LRSAM1: variants seen among roughly 807,000 people sequenced by gnomAD.
LRSAM1 encodes the protein E3 ubiquitin-protein ligase LRSAM1.
A neutral mutation model predicts 118.1 loss-of-function variants in LRSAM1; 96 were observed. The observed-to-expected ratio is 0.81, with a 90% CI of 0.69 to 0.96. The LOEUF is 0.96. Ranked by LOEUF, LRSAM1 falls within the 40% of genes least tolerant of loss-of-function variation. LRSAM1 has a pLI of 0.00. For missense variants in LRSAM1, 804 were observed against 915.5 expected, an observed-to-expected ratio of 0.88 and a Z score of 1.57; for synonymous variants, 322 against 364.2, an observed-to-expected ratio of 0.88 and a Z score of 1.32.
At chr9:127,500,003 G>A (rs1308625683) in intron 24 of LRSAM1, among the ~76,000 whole-genome samples, 9 of 151,998 alleles carry the variant, frequency 5.9e-5, no homozygotes, top group Non-Finnish European at 1.3e-4. Flanking sequence ...AAAGTGAACC[G>A]TGATCAGGAA....
At chr9:127,495,487 C>A in intron 22 of LRSAM1, 69 bp downstream of exon 22, 1 of 1,283,504 alleles carries the variant, frequency 7.8e-7, no homozygotes, top group Non-Finnish European at 1.1e-6. Flanking sequence ...GCCTGTGGTG[C>A]CTCCACCATG....
intron 7 of LRSAM1, among the ~76,000 whole-genome samples, chr9:127,460,680 C>T (rs1426894885): frequency 1.3e-5 from 2 of 152,110 alleles, no homozygotes; most frequent in African/African-American, 4.8e-5. Flanking sequence ...AGTTTTTTTC[C>T]TGTCTCCAGC....
chr9:127,496,958 C>T (rs753149497), intron 23 of LRSAM1, among the ~76,000 whole-genome samples: 7 of 152,236 alleles, frequency 4.6e-5, no homozygotes, highest in Non-Finnish European at 8.8e-5. Context: ...AGCCTGGCAC[C>T]GGGAAGCAGT....
intron 25 of LRSAM1, 95 bp from the exon 26 acceptor site, chr9:127,502,677 ACT>A (rs1836436839): frequency 7.3e-7 from 1 of 1,374,032 alleles, no homozygotes; most frequent in Non-Finnish European, 9.7e-7. Context: ...ACAGAGTGAG[ACT>A]CTGTCTCAAA....
intron 9 of LRSAM1, 130 bp downstream of exon 9, chr9:127,462,503 G>T: frequency 6.8e-7 from 1 of 1,473,398 alleles, no homozygotes; most frequent in Non-Finnish European, 9.4e-7. Context: ...CATGGTCCTT[G>T]GAGGCTTGTA....
intron 20 of LRSAM1, 51 bp from the exon 21 acceptor site, chr9:127,492,751 T>G: frequency 1.3e-6 from 2 of 1,560,658 alleles, no homozygotes; most frequent in South Asian, 1.1e-5. Flanking sequence ...ACTGCGGGAC[T>G]CCTGCGCTGC....
rs770758847 is a variant in LRSAM1, at chr9:127,497,271, G to T, written c.1849G>T (p.Gly617Cys). ...DLAKVGVSEA[G>C]LQHEILRRVQ... ...GTCACAGGTGGGCGTCTCAGAAGCT[G>T]GCCTGCAGCACGAGATCCTCCGGAG... Residue 617 changes from glycine (G) to cysteine (C), a missense_variant, in exon 24 of 26, where the codon GGC becomes TGC. Gly to Cys is a radical substitution (Grantham distance 159). Coordinates refer to ENST00000300417, the MANE Select transcript of LRSAM1 (RefSeq NM_001005373.4). 2.1e-5 allele frequency: 34 copies of T among 1,613,126 alleles called. No homozygotes were observed. Among genetic ancestry groups the T allele is most frequent in the Non-Finnish European group, 2.9e-5 (34 of 1,180,002 alleles).
intron 21 of LRSAM1, among the ~76,000 whole-genome samples, chr9:127,493,358 AGCC>A (rs1193195516): frequency 3.3e-5 from 5 of 152,320 alleles, no homozygotes; most frequent in Admixed American, 2.0e-4. Context: ...CACCGCGCCT[AGCC>A]TCTCCTGCGG....
chr9:127,501,582 A>T (rs912277382), intron 25 of LRSAM1, among the ~76,000 whole-genome samples: 4 of 151,962 alleles, frequency 2.6e-5, no homozygotes, highest in African/African-American at 9.7e-5. Flanking sequence ...AAATACAAAA[A>T]TCAGCCAGGC....
rs781577020 is a variant in LRSAM1, at chr9:127,462,280, C to T, written c.435C>T (p.Thr145=). The change falls in exon 9 of 26, where the codon ACC becomes ACT. Residue 145 remains threonine, a synonymous_variant. Transcript: ENST00000300417. ...KDNKLKELPD[T]VGELRSLRTL... ...ACAAGCTGAAGGAGCTTCCAGACAC[C>T]GTGGGGGAGCTTCGAAGCCTGCGTA... 22 of 1,614,044 alleles carry T rather than the reference C, an allele frequency of 1.4e-5. No homozygotes were observed. The highest frequency in any genetic ancestry group is 6.6e-5 in the South Asian group (6 of 91,070).
chr9:127,457,963 T>G lies in LRSAM1; in HGVS notation c.252+570T>G, dbSNP rs112616717. 2.9e-3 allele frequency among the ~76,000 whole-genome samples: 358 copies of G among 122,892 alleles called. 1 individual carries two copies. Among genetic ancestry groups the G allele is most frequent in the African/African-American group, 0.011 (335 of 31,828 alleles). The allele number at this position is 122,892 out of a possible 152,430, so 80.6% of individuals were successfully genotyped here. A position where few individuals can be genotyped will look rare whatever the true frequency, so the allele number is the denominator to read the frequency against. On this transcript the variant is annotated intron_variant, in intron 6 of 25. Coordinates refer to ENST00000300417, the MANE Select transcript of LRSAM1 (RefSeq NM_001005373.4). ...CTGTATGTGTTCACTACAGATGCTT[T>G]CTTTCTTTTTTTTTTTTTTAATATT...
At position 127,461,243 on chromosome 9, in the gene LRSAM1, C is replaced by G. The variant is rs772202137; in HGVS notation, c.392C>G (p.Thr131Ser). Reference sequence around the variant, plus strand: ...ATTGGGAACCTGACCCAGCTCCAGACTCTCAATGTTAAAGGTAGGGACCAA... The same window carrying G: ...ATTGGGAACCTGACCCAGCTCCAGAGTCTCAATGTTAAAGGTAGGGACCAA... ...RSIGNLTQLQTLNVKDNKLKE... is the reference protein window; with the variant it reads ...RSIGNLTQLQSLNVKDNKLKE... Residue 131 changes from threonine to serine, a missense_variant, in exon 8 of 26, where the codon ACT (threonine) becomes AGT (serine). By Grantham distance (58) the Thr-to-Ser change is moderately conservative. Coordinates refer to ENST00000300417, the MANE Select transcript of LRSAM1 (RefSeq NM_001005373.4). 6.2e-7 allele frequency: 1 copy of G among 1,611,894 alleles called. No homozygotes were observed. Among genetic ancestry groups the G allele is most frequent in the South Asian group, 1.1e-5 (1 of 91,060 alleles).
At chr9:127,488,380 G>C (rs920527150) in intron 18 of LRSAM1, among the ~76,000 whole-genome samples, 5 of 152,094 alleles carry the variant, frequency 3.3e-5, no homozygotes, top group African/African-American at 1.2e-4. Flanking sequence ...TCCTGCCTCA[G>C]CCTCCCAAGT....
rs903279647 is a variant in LRSAM1, at chr9:127,501,095, A to G, written c.1998A>G (p.Ala666=). The part of the protein sequence containing the change: ...PESVRPSAPP[A]ELEVQASECV... ...CTGTGAGGCCATCCGCTCCCCCTGC[A>G]GAGCTGGAGGTGCAGGCCTCAGAGT... Residue 666 remains alanine (A), a synonymous_variant, in exon 25 of 26, where the codon GCA becomes GCG. Coordinates refer to ENST00000300417, the MANE Select transcript of LRSAM1 (RefSeq NM_001005373.4). The G allele has an allele frequency of 6.2e-7, 1 of 1,613,962 alleles. No homozygotes were observed. The highest frequency in any genetic ancestry group is 8.5e-7 in the Non-Finnish European group (1 of 1,180,012).
intron 10 of LRSAM1, among the ~76,000 whole-genome samples, chr9:127,468,432 G>A (rs79346071): frequency 0.02 from 3,066 of 152,260 alleles, 114 homozygotes; most frequent in African/African-American, 0.07. Context: ...GGCTGGAGGC[G>A]GGAGGAGAGC....
chr9:127,500,840 G>A (rs1325614709), intron 24 of LRSAM1, among the ~76,000 whole-genome samples, 170 bp from the exon 25 acceptor site: 1 of 152,208 alleles, frequency 6.6e-6, no homozygotes, highest in Non-Finnish European at 1.5e-5. Context: ...GCTCAGAGAA[G>A]AGAAGAAGAG....
chr9:127,461,392 T>C, intron 8 of LRSAM1, 135 bp downstream of exon 8: 5 of 704,124 alleles, frequency 7.1e-6, no homozygotes, highest in South Asian at 7.1e-5. Context: ...GTAAATGGAC[T>C]GACCCCTGCT....
At chr9:127,467,942 C>A in intron 10 of LRSAM1, 112 bp downstream of exon 10, 1 of 1,048,756 alleles carries the variant, frequency 9.5e-7, no homozygotes, top group South Asian at 1.4e-5. Flanking sequence ...ACAGTGCCTA[C>A]CTGCTTGGAG....
chr9:127,499,984 C>A (rs1034443576), intron 24 of LRSAM1, among the ~76,000 whole-genome samples: 2 of 151,652 alleles, frequency 1.3e-5, no homozygotes, highest in Non-Finnish European at 1.5e-5. Context: ...GTAATTCAAG[C>A]CGTAGAATAA....
Sources: gnomAD v4.1 joint callset for allele counts (sites outside exome capture counted in the v4.1 genomes callset) on GRCh38, gnomAD v4.1.1 for gene constraint, MANE v1.5 for transcripts, NCBI Gene and HGNC (gene_info 2026-07-23, HGNC 2026-07-21) for gene names.